Variants in MAP3K5 observed in about 807,000 individuals in gnomAD.
The protein encoded by MAP3K5 is mitogen-activated protein kinase kinase kinase 5.
Under a neutral mutation model 158.7 loss-of-function variants are expected in MAP3K5, and 56 were observed. The observed-to-expected ratio is 0.35, with a 90% CI of 0.28 to 0.44. The LOEUF is 0.44. Ranked by LOEUF, MAP3K5 falls within the 20% of genes least tolerant of loss-of-function variation. The pLI is 1.00. For missense variants in MAP3K5, 1,294 were observed against 1,674.8 expected (o/e 0.77, Z 3.97); for synonymous variants, 579 against 601.7 (o/e 0.96, Z 0.55).
intron 1 of MAP3K5, among the ~76,000 whole-genome samples, chr6:136,761,483 G>A (rs1168264658): frequency 6.6e-6 from 1 of 152,110 alleles, no homozygotes; most frequent in African/African-American, 2.4e-5. Context: ...GAGCCTGGGG[G>A]AATTGTTCTC....
intron 18 of MAP3K5, among the ~76,000 whole-genome samples, chr6:136,608,518 A>C (rs1343562656): frequency 1.3e-5 from 2 of 152,120 alleles, no homozygotes; most frequent in African/African-American, 4.8e-5. Context: ...GTGTGAGAAA[A>C]GAGAAGTGCC....
intron 25 of MAP3K5, among the ~76,000 whole-genome samples, chr6:136,574,185 C>A (rs975277823): frequency 1.3e-5 from 2 of 152,132 alleles, no homozygotes; most frequent in African/African-American, 4.8e-5. Context: ...CCTGCCTTGG[C>A]CTCCCAAAGT....
At chr6:136,786,379 C>CA (rs11398691) in intron 1 of MAP3K5, among the ~76,000 whole-genome samples, 24,999 of 80,148 alleles carry the variant, frequency 0.31, 2,751 homozygotes, top group East Asian at 0.4. Context: ...AACTCCATCT[C>CA]AAAAAAAAAA....
At chr6:136,724,531 A>C (rs1781883389) in intron 1 of MAP3K5, among the ~76,000 whole-genome samples, 1 of 152,212 alleles carries the variant, frequency 6.6e-6, no homozygotes, top group East Asian at 1.9e-4. Context: ...AACAAGCATG[A>C]GCCACTGTGC....
intron 7 of MAP3K5, among the ~76,000 whole-genome samples, chr6:136,680,632 C>G (rs1001763281): frequency 2.0e-5 from 3 of 152,186 alleles, no homozygotes; most frequent in African/African-American, 7.2e-5. Flanking sequence ...TTCACATTCT[C>G]AAGAGCAGTG....
chr6:136,790,731 C>G (rs1164784390), intron 1 of MAP3K5, among the ~76,000 whole-genome samples: 1 of 152,186 alleles, frequency 6.6e-6, no homozygotes, highest in Admixed American at 6.5e-5. Context: ...TGTTTTGAAA[C>G]TACTAAACCA....
At chr6:136,714,942 A>T (rs6570089) in intron 2 of MAP3K5, among the ~76,000 whole-genome samples, 78,694 of 151,986 alleles carry the variant, frequency 0.52, 20,604 homozygotes, top group African/African-American at 0.56. Flanking sequence ...TGTTCTGTAT[A>T]CAGTGAGATA....
chr6:136,776,850 T>C (rs1408114118), intron 1 of MAP3K5, among the ~76,000 whole-genome samples: 3 of 152,220 alleles, frequency 2.0e-5, no homozygotes, highest in Admixed American at 6.5e-5. Context: ...TTTTAGACTT[T>C]GGAAATACAG....
intron 14 of MAP3K5, among the ~76,000 whole-genome samples, chr6:136,634,064 T>A (rs971096924): frequency 1.2e-4 from 18 of 152,250 alleles, no homozygotes; most frequent in African/African-American, 4.1e-4. Flanking sequence ...TATTTTTAGC[T>A]TGTTATTCAT....
Position 136,737,035 on chromosome 6 carries a change from G to GCATATATATATA in MAP3K5, c.449-16447_449-16446insTATATATATATG, listed in dbSNP as rs1554308004. 1.0e-4 allele frequency among the ~76,000 whole-genome samples: 12 copies of GCATATATATATA among 118,712 alleles called. No individual in the cohort carries two copies. In the East Asian group the frequency reaches 2.5e-3, roughly 25 times the overall value. 77.9% of individuals were successfully genotyped at this position (118,712 alleles called of 152,430 possible). On this transcript the variant is annotated intron_variant, in intron 1 of 29. Transcript: ENST00000359015. ...ATTAATTTTACATATATATATGTGT[G>GCATATATATATA]TGTATATATATATATATATATAAAC...
intron 14 of MAP3K5, 67 bp from the exon 15 acceptor site, chr6:136,623,048 T>TC: frequency 6.5e-7 from 1 of 1,531,646 alleles, no homozygotes; most frequent in South Asian, 1.1e-5. Flanking sequence ...AACATCAAAT[T>TC]TTTTTCCAAG....
intron 1 of MAP3K5, among the ~76,000 whole-genome samples, chr6:136,743,437 A>G (rs1186279305): frequency 6.6e-6 from 1 of 152,162 alleles, no homozygotes; most frequent in Non-Finnish European, 1.5e-5. Context: ...GTAACAGAGC[A>G]AGACTCTGTC....
intron 28 of MAP3K5, 41 bp downstream of exon 28, chr6:136,561,492 C>A: frequency 6.9e-7 from 1 of 1,439,316 alleles, no homozygotes; most frequent in Non-Finnish European, 9.8e-7. Context: ...CATTATGAAA[C>A]GAAGTGAAAG....
At position 136,621,116 on chromosome 6, in the gene MAP3K5, G is replaced by GTT. The variant is rs796594466; in HGVS notation, c.2150+1730_2150+1731dup. On this transcript the variant is annotated intron_variant, in intron 15 of 29. Transcript: ENST00000359015. ...CACACAGTTCTTGGATATTGTCCCAGTTTTTTTTTTCAGTCTTTTTTCTCT... is the reference window on the plus strand; with the variant it reads ...CACACAGTTCTTGGATATTGTCCCAGTTTTTTTTTTTTCAGTCTTTTTTCTCT... 3.2e-3 allele frequency among the ~76,000 whole-genome samples: 473 copies of GTT among 148,376 alleles called. 3 individuals carry two copies. The highest frequency in any genetic ancestry group is 0.011 in the African/African-American group (448 of 40,478).
intron 11 of MAP3K5, among the ~76,000 whole-genome samples, chr6:136,650,085 C>T (rs1484967473): frequency 6.6e-6 from 1 of 152,164 alleles, no homozygotes; most frequent in Admixed American, 6.5e-5. Flanking sequence ...GGAAAGCAAG[C>T]ACCATGGAGG....
rs1777815422 is a variant in MAP3K5 at position 136,639,472 on chromosome 6, T to G, written c.1934+71A>C. 5.2e-6 allele frequency: 4 copies of G among 766,136 alleles called. No homozygotes were observed. The Admixed American group carries it at 8.5e-5, about 16-fold the overall frequency. 47.5% of individuals were successfully genotyped at this position (766,136 alleles called of 1,614,324 possible). A position where few individuals can be genotyped will look rare whatever the true frequency, so the allele number is the denominator to read the frequency against. On this transcript the variant is annotated intron_variant, in intron 13 of 29. Transcript: ENST00000359015. ...CCATGCATTCTTCACAGGAGGTACA[T>G]GTTCACTCATTACTTGAAAATAATG...
At position 136,601,042 on chromosome 6, in the gene MAP3K5, G is replaced by A. The variant is rs767609105; in HGVS notation, c.2858C>T (p.Ala953Val). The change falls in exon 21 of 30, where the codon GCT (alanine) becomes GTT (valine). Residue 953 changes from alanine (A) to valine (V), a missense_variant and splice_region_variant. Physicochemically the swap from Ala to Val is moderately conservative, Grantham distance 64 (BLOSUM62 0). Around this residue, in one of 5 missense-constraint regions of MAP3K5, gnomAD observed 362 missense variants for 463.2 expected, o/e 0.78. Transcript: ENST00000359015. Reference protein sequence around the residue: ...KKKKTQPKLSALSAGSNEYLR... With the variant: ...KKKKTQPKLSVLSAGSNEYLR... ...CTCACCATTTGATCCAGCTGAAAGA[G>A]CTGTGGAAAGAAAAGCAAACAGCCA... 4.3e-6 allele frequency: 7 copies of A among 1,613,822 alleles called. No homozygotes were observed. Among genetic ancestry groups the A allele is most frequent in the South Asian group, 3.3e-5 (3 of 91,070 alleles).
chr6:136,614,361 GA>G (rs1776470927), intron 15 of MAP3K5, 75 bp from the exon 16 acceptor site: 2 of 1,516,522 alleles, frequency 1.3e-6, no homozygotes. Context: ...AATACAAATG[GA>G]AAATGTCAGC....
chr6:136,683,602 T>C (rs1780025056), intron 7 of MAP3K5, among the ~76,000 whole-genome samples: 1 of 152,224 alleles, frequency 6.6e-6, no homozygotes, highest in South Asian at 2.1e-4. Context: ...CTACTTGCAA[T>C]ATGCCAAGAG....
Sources: allele counts gnomAD v4.1 joint callset (sites outside exome capture counted in the v4.1 genomes callset), GRCh38; gene constraint gnomAD v4.1.1; regional missense constraint gnomAD v4.1.1; transcripts MANE v1.5; gene names NCBI Gene and HGNC (gene_info 2026-07-23, HGNC 2026-07-21).